The following PTPRD variants were observed in gnomAD, a reference collection of about 807,000 sequenced individuals.
PTPRD encodes the protein receptor-type tyrosine-protein phosphatase delta.
Under a neutral mutation model 214.5 loss-of-function variants are expected in PTPRD, and 34 were observed. The observed-to-expected ratio is 0.16, with a 90% confidence interval of 0.12 to 0.21. PTPRD has a LOEUF of 0.21. Among genes scored for constraint, PTPRD ranks in the 10% least tolerant of loss-of-function variants. PTPRD has a pLI of 1.00. For synonymous variants in PTPRD, 1,128 were observed against 845.7 expected, an observed-to-expected ratio of 1.33 and a Z score of -5.79; for missense variants, 2,545 against 2,398.7, an observed-to-expected ratio of 1.06 and a Z score of -1.27.
At position 10,037,060 on chromosome 9, in the gene PTPRD, A is replaced by T. The variant is rs540744258; in HGVS notation, c.-544-3270T>A. Reference sequence around the variant, plus strand: ...CCCACCATGCCTAGCTAATTTTTTAATGTTTTGTTTTGAAGAGACAGAGAT... The same window carrying T: ...CCCACCATGCCTAGCTAATTTTTTATTGTTTTGTTTTGAAGAGACAGAGAT... On this transcript the variant is annotated intron_variant, in intron 3 of 45. Transcript: ENST00000381196. 3.3e-5 allele frequency among the ~76,000 whole-genome samples: 5 copies of T among 151,350 alleles called. No homozygotes were observed. In the East Asian group the frequency reaches 9.9e-4, roughly 30 times the overall value.
At chr9:9,293,624 G>T (rs189808088) in intron 9 of PTPRD, among the ~76,000 whole-genome samples, 1 of 151,320 alleles carries the variant, frequency 6.6e-6, no homozygotes, top group Non-Finnish European at 1.5e-5. Context: ...AGAAATATAC[G>T]TATATACCGT....
chr9:8,835,158 G>A (rs950335296), intron 11 of PTPRD, among the ~76,000 whole-genome samples: 13 of 152,314 alleles, frequency 8.5e-5, no homozygotes, highest in South Asian at 2.1e-4. Context: ...ACGAAGAAAC[G>A]AAATGACCCC....
intron 3 of PTPRD, among the ~76,000 whole-genome samples, chr9:10,276,041 C>T (rs1180410215): frequency 1.3e-5 from 2 of 152,170 alleles, no homozygotes; most frequent in Non-Finnish European, 2.9e-5. Flanking sequence ...ACCTTAGTGA[C>T]CCTGTACTAA....
intron 11 of PTPRD, among the ~76,000 whole-genome samples, chr9:8,882,769 C>A (rs1219469925): frequency 6.6e-6 from 1 of 150,918 alleles, no homozygotes; most frequent in Non-Finnish European, 1.5e-5. Context: ...CCTGCAGTCT[C>A]AACTACTCAG....
At chr9:10,497,153 G>A (rs977927909) in intron 2 of PTPRD, among the ~76,000 whole-genome samples, 2 of 151,856 alleles carry the variant, frequency 1.3e-5, no homozygotes, top group African/African-American at 2.4e-5. Context: ...AATAGAGGGT[G>A]GAGGGAGGAA....
At chr9:9,443,450 G>C (rs912316398) in intron 8 of PTPRD, among the ~76,000 whole-genome samples, 2 of 152,156 alleles carry the variant, frequency 1.3e-5, no homozygotes, top group Non-Finnish European at 2.9e-5. Context: ...TGGTCGCTTT[G>C]AATCCAGAGT....
At chr9:8,441,347 C>T (rs1363214745) in intron 34 of PTPRD, among the ~76,000 whole-genome samples, 3 of 152,086 alleles carry the variant, frequency 2.0e-5, no homozygotes, top group Non-Finnish European at 2.9e-5. Flanking sequence ...AATTATTCAG[C>T]TCCAGGACTT....
chr9:9,039,630 A>G (rs1266164421), intron 10 of PTPRD, among the ~76,000 whole-genome samples: 2 of 152,190 alleles, frequency 1.3e-5, no homozygotes, highest in Admixed American at 1.3e-4. Flanking sequence ...AGCCAAAAAT[A>G]TTTACTATCT....
intron 3 of PTPRD, among the ~76,000 whole-genome samples, chr9:10,037,149 C>T (rs1018974734): frequency 6.6e-6 from 1 of 151,990 alleles, no homozygotes; most frequent in Non-Finnish European, 1.5e-5. Flanking sequence ...CCTCAGCCTC[C>T]CAAAGTGCTG....
intron 3 of PTPRD, among the ~76,000 whole-genome samples, chr9:10,334,639 C>A (rs982140623): frequency 6.6e-6 from 1 of 151,332 alleles, no homozygotes; most frequent in African/African-American, 2.4e-5. Flanking sequence ...TTGCGGATGA[C>A]AAGATCACCT....
intron 3 of PTPRD, among the ~76,000 whole-genome samples, chr9:10,142,747 C>A (rs1468250736): frequency 6.7e-6 from 1 of 148,938 alleles, no homozygotes; most frequent in East Asian, 2.0e-4. Flanking sequence ...ACTAGAAATA[C>A]CATTTGACCC....
intron 3 of PTPRD, among the ~76,000 whole-genome samples, chr9:10,101,415 A>T (rs440834): frequency 4.1e-4 from 62 of 151,570 alleles, no homozygotes; most frequent in Non-Finnish European, 7.2e-4. Flanking sequence ...ATGTAGTATC[A>T]GGTAAGTAGA....
At chr9:10,504,885 T>A (rs1486870905) in intron 2 of PTPRD, among the ~76,000 whole-genome samples, 1 of 152,188 alleles carries the variant, frequency 6.6e-6, no homozygotes, top group Non-Finnish European at 1.5e-5. Flanking sequence ...GATGTGCACC[T>A]GTCTGTTAAT....
chr9:9,717,597 A>C (rs1229367435), intron 7 of PTPRD, among the ~76,000 whole-genome samples: 1 of 152,208 alleles, frequency 6.6e-6, no homozygotes, highest in Non-Finnish European at 1.5e-5. Flanking sequence ...GCAGACATGG[A>C]AGGAATGATT....
intron 9 of PTPRD, among the ~76,000 whole-genome samples, chr9:9,242,463 C>T (rs1005825423): frequency 6.6e-5 from 10 of 152,162 alleles, no homozygotes; most frequent in African/African-American, 2.4e-4. Flanking sequence ...TCCATTCTCC[C>T]TGTCACTTTC....
intron 11 of PTPRD, among the ~76,000 whole-genome samples, chr9:8,935,749 CA>C (rs1172345214): frequency 6.6e-6 from 1 of 152,146 alleles, no homozygotes; most frequent in Non-Finnish European, 1.5e-5. Flanking sequence ...AGATATTTTT[CA>C]AAAGGCCTTC....
chr9:8,484,011 T>C, intron 30 of PTPRD, 108 bp downstream of exon 30: 1 of 1,381,518 alleles, frequency 7.2e-7, no homozygotes, highest in South Asian at 1.5e-5. Flanking sequence ...GAAGAATCTT[T>C]CACTACATTA....
rs186836726 is a variant in PTPRD at position 9,500,477 on chromosome 9, G to T, written c.-237+74255C>A. ...GCAGTGCCACTGAGTTGAGACTATA[G>T]ATATTGAGGTTTGGTGCTGCTAAGT... On this transcript the variant is annotated intron_variant, in intron 8 of 45. Transcript: ENST00000381196. 3.2e-3 allele frequency among the ~76,000 whole-genome samples: 488 copies of T among 152,124 alleles called. 3 individuals carry two copies. The highest frequency in any genetic ancestry group is 0.011 in the African/African-American group (466 of 41,490).
intron 2 of PTPRD, among the ~76,000 whole-genome samples, chr9:10,449,448 G>A (rs1385691263): frequency 6.6e-6 from 1 of 151,652 alleles, no homozygotes; most frequent in African/African-American, 2.4e-5. Flanking sequence ...GGCAGCCTCC[G>A]CCCGGCGGCC....
Sources: allele counts gnomAD v4.1 joint callset (sites outside exome capture counted in the v4.1 genomes callset), GRCh38; gene constraint gnomAD v4.1.1; transcripts MANE v1.5; gene names NCBI Gene and HGNC (gene_info 2026-07-23, HGNC 2026-07-21).